The following XKR6 variants were observed in gnomAD, a reference collection of about 807,000 sequenced individuals.
The protein encoded by XKR6 is XK related 6, also known as XK-related protein 6.
XKR6 carries 22 observed loss-of-function variants against 56.7 expected under a neutral mutation model. The ratio of observed to expected loss-of-function variants is 0.39; its 90% CI spans 0.28 to 0.55. The LOEUF (loss-of-function observed/expected upper bound fraction) is 0.55. Ranked by LOEUF, XKR6 falls within the 20% of genes least tolerant of loss-of-function variation. XKR6 has a pLI of 0.66. For missense variants in XKR6, 852 were observed against 889.0 expected, an observed-to-expected ratio of 0.96 and a Z score of 0.53; for synonymous variants, 524 against 387.8, an observed-to-expected ratio of 1.35 and a Z score of -4.13.
chr8:10,951,846 G>A (rs1378804189), intron 1 of XKR6, among the ~76,000 whole-genome samples: 3 of 152,174 alleles, frequency 2.0e-5, no homozygotes, highest in Non-Finnish European at 2.9e-5. Flanking sequence ...CCGGACCAAG[G>A]AGGGGGCAGG....
chr8:11,112,254 A>G (rs1355640740), intron 1 of XKR6, among the ~76,000 whole-genome samples: 1 of 152,162 alleles, frequency 6.6e-6, no homozygotes, highest in Middle Eastern at 3.2e-3. Context: ...AAAATTATAG[A>G]TTTTGTTCTT....
At chr8:11,072,676 G>A (rs1405807744) in intron 1 of XKR6, among the ~76,000 whole-genome samples, 1 of 152,224 alleles carries the variant, frequency 6.6e-6, no homozygotes, top group Non-Finnish European at 1.5e-5. Context: ...GGGTCAGGGT[G>A]GGGGTACACT....
chr8:10,983,639 A>AAAGCTTACAT (rs1212191898), intron 1 of XKR6, among the ~76,000 whole-genome samples: 1 of 151,124 alleles, frequency 6.6e-6, no homozygotes, highest in Non-Finnish European at 1.5e-5. Context: ...TAGAAAAAGA[A>AAAGCTTACAT]AAGCTTACAT....
rs183415489 is a variant in XKR6, at chr8:11,046,344, G to A, written c.765-121514C>T. ...GAATCTAGGAGACAGAGGTTGCAAT[G>A]AGCCGAGGTTGTACCACTGCATCCC... On this transcript the variant is annotated intron_variant, in intron 1 of 2. Transcript: ENST00000416569. Among the ~76,000 whole-genome samples, 195 of 152,320 alleles carry A rather than the reference G, an allele frequency of 1.3e-3. 1 individual carries two copies. Among genetic ancestry groups the A allele is most frequent in the Middle Eastern group, 6.8e-3 (2 of 294 alleles).
At chr8:11,026,712 CTAGATGGTCTAGCCTACTACACACT>C (rs1798874325) in intron 1 of XKR6, among the ~76,000 whole-genome samples, 3 of 151,100 alleles carry the variant, frequency 2.0e-5, no homozygotes, top group East Asian at 3.9e-4. Context: ...TACTACACAC[CTAGATGGTCTAGCCTACTACACACT>C]TAGATGGTCT....
chr8:10,966,466 G>T (rs1055334713), intron 1 of XKR6, among the ~76,000 whole-genome samples: 1 of 152,122 alleles, frequency 6.6e-6, no homozygotes, highest in African/African-American at 2.4e-5. Flanking sequence ...GAGGTCAGGA[G>T]ATCGAGACCA....
At chr8:11,012,389 C>T (rs1453398786) in intron 1 of XKR6, among the ~76,000 whole-genome samples, 24 of 152,136 alleles carry the variant, frequency 1.6e-4, no homozygotes, top group Admixed American at 1.6e-3. Flanking sequence ...TTAAGAAAAA[C>T]TGAATGAGTT....
At chr8:11,009,487 G>T (rs894250442) in intron 1 of XKR6, among the ~76,000 whole-genome samples, 5 of 152,166 alleles carry the variant, frequency 3.3e-5, no homozygotes, top group Non-Finnish European at 7.3e-5. Flanking sequence ...TCCAGCCTTG[G>T]TGAGAGAGTG....
At chr8:11,069,704 G>A (rs1415370152) in intron 1 of XKR6, among the ~76,000 whole-genome samples, 1 of 124,040 alleles carries the variant, frequency 8.1e-6, no homozygotes, top group Non-Finnish European at 1.6e-5. Flanking sequence ...GGGAACATAG[G>A]TGCAAGAGAG....
chr8:11,057,318 C>T (rs1039879598), intron 1 of XKR6, among the ~76,000 whole-genome samples: 14 of 152,236 alleles, frequency 9.2e-5, no homozygotes, highest in African/African-American at 2.9e-4. Context: ...CTCCCTCCCC[C>T]ACTAGAATGT....
chr8:11,050,243 C>T (rs1353257243), intron 1 of XKR6, among the ~76,000 whole-genome samples: 14 of 152,180 alleles, frequency 9.2e-5, no homozygotes, highest in Admixed American at 9.2e-4. Context: ...GTAACTGCGA[C>T]AGGATTCAAG....
chr8:11,078,803 G>C (rs1800340424), intron 1 of XKR6, among the ~76,000 whole-genome samples: 1 of 152,166 alleles, frequency 6.6e-6, no homozygotes, highest in Non-Finnish European at 1.5e-5. Context: ...CAGCCCCACA[G>C]GCCTCCAGTC....
At position 11,201,209 on chromosome 8, in the gene XKR6, TCGCCGCCGC is replaced by T. The variant is rs762436563; in HGVS notation, c.122_130del (p.Gly41_Gly43del). ...GCTGCTCTCGCCGGGCTCGCTGCCG[TCGCCGCCGC>T]CGCCGCAGCCGCCTCCCCCGGGCTC... On this transcript the variant is annotated inframe_deletion, in exon 1 of 3. Coordinates refer to ENST00000416569, the MANE Select transcript of XKR6 (RefSeq NM_173683.4). The T allele has an allele frequency of 2.0e-5, 31 of 1,531,380 alleles. No individual in the cohort carries two copies. The highest frequency in any genetic ancestry group is 1.2e-4 in the African/African-American group (9 of 72,158). 94.9% of individuals were successfully genotyped at this position (1,531,380 alleles called of 1,614,324 possible).
intron 1 of XKR6, among the ~76,000 whole-genome samples, chr8:10,970,611 C>G (rs551537339): frequency 1.3e-5 from 2 of 152,078 alleles, no homozygotes; most frequent in South Asian, 4.2e-4. Context: ...AGTGTCTCAA[C>G]TGTTCATTCC....
intron 1 of XKR6, among the ~76,000 whole-genome samples, chr8:11,152,044 A>G (rs1336567773): frequency 6.6e-6 from 1 of 152,252 alleles, no homozygotes; most frequent in Non-Finnish European, 1.5e-5. Context: ...AATTACTATC[A>G]AAACAAAGCG....
intron 1 of XKR6, among the ~76,000 whole-genome samples, chr8:11,183,598 C>T (rs1803111600): frequency 6.6e-6 from 1 of 151,966 alleles, no homozygotes; most frequent in African/African-American, 2.4e-5. Flanking sequence ...GCTGGGATTA[C>T]AGGTATGAGC....
Position 10,911,343 on chromosome 8 carries a change from G to A in XKR6, c.962-12427C>T, listed in dbSNP as rs948626745. ...TGAGTATATATATATATATATATGT[G>A]TGTGTGTGTGTGTATATATATATAT... On this transcript the variant is annotated intron_variant, in intron 2 of 2. Transcript: ENST00000416569. 1.0e-3 allele frequency among the ~76,000 whole-genome samples: 148 copies of A among 143,940 alleles called. 1 individual carries two copies. The highest frequency in any genetic ancestry group is 3.7e-3 in the African/African-American group (141 of 38,354). 94.4% of individuals were successfully genotyped at this position (143,940 alleles called of 152,430 possible).
At chr8:11,102,103 C>T (rs1798505696) in intron 1 of XKR6, among the ~76,000 whole-genome samples, 1 of 152,172 alleles carries the variant, frequency 6.6e-6, no homozygotes, top group African/African-American at 2.4e-5. Flanking sequence ...AAAATTTCAA[C>T]AGTTCTTTTC....
At chr8:10,970,249 G>A (rs1473469873) in intron 1 of XKR6, among the ~76,000 whole-genome samples, 1 of 152,228 alleles carries the variant, frequency 6.6e-6, no homozygotes, top group Admixed American at 6.5e-5. Context: ...CCATCCAAGA[G>A]GACAGGGTAC....
Sources: allele counts gnomAD v4.1 joint callset (sites outside exome capture counted in the v4.1 genomes callset), GRCh38; gene constraint gnomAD v4.1.1; transcripts MANE v1.5; gene names NCBI Gene and HGNC (gene_info 2026-07-23, HGNC 2026-07-21).